The following CNTN4 variants were observed in gnomAD, a reference collection of about 807,000 sequenced individuals.
CNTN4 encodes contactin 4.
A neutral mutation model predicts 122.5 loss-of-function variants in CNTN4; 77 were observed. That is an observed-to-expected ratio of 0.63 (90% CI 0.52 to 0.76). The LOEUF is 0.76. Among genes scored for constraint, CNTN4 ranks in the 30% least tolerant of loss-of-function variants. CNTN4 has a pLI of 0.00. For missense variants in CNTN4, 1,256 were observed against 1,259.1 expected, an observed-to-expected ratio of 1.00 and a Z score of 0.04; for synonymous variants, 512 against 447.0, an observed-to-expected ratio of 1.15 and a Z score of -1.83.
At chr3:2,815,857 G>A (rs2092713259) in intron 6 of CNTN4, among the ~76,000 whole-genome samples, 1 of 131,764 alleles carries the variant, frequency 7.6e-6, no homozygotes, top group Admixed American at 7.5e-5. Context: ...TCAATAAGTG[G>A]CTAAAGAAAC....
chr3:2,873,735 G>A (rs372871826), intron 8 of CNTN4, among the ~76,000 whole-genome samples: 1 of 152,180 alleles, frequency 6.6e-6, no homozygotes, highest in East Asian at 1.9e-4. Context: ...AACCTAGTGG[G>A]TTTTTGAACC....
chr3:3,031,028 T>A, intron 16 of CNTN4, 53 bp downstream of exon 16: 1 of 1,610,998 alleles, frequency 6.2e-7, no homozygotes, highest in Non-Finnish European at 8.5e-7. Flanking sequence ...TGATATCTAC[T>A]GTAGCGCAGA....
At chr3:2,493,343 CCATTCCTCCGGA>C (rs1404292790) in intron 3 of CNTN4, among the ~76,000 whole-genome samples, 2 of 151,882 alleles carry the variant, frequency 1.3e-5, no homozygotes, top group African/African-American at 4.8e-5. Flanking sequence ...TCAGAAAATG[CCATTCCTCCGGA>C]CATAAGGTAG....
At chr3:2,500,178 G>A (rs1228857006) in intron 3 of CNTN4, among the ~76,000 whole-genome samples, 2 of 151,914 alleles carry the variant, frequency 1.3e-5, no homozygotes, top group East Asian at 1.9e-4. Context: ...ATATTAATTA[G>A]TATTTTTATC....
At chr3:2,236,763 A>G (rs1042135671) in intron 2 of CNTN4, among the ~76,000 whole-genome samples, 2 of 152,194 alleles carry the variant, frequency 1.3e-5, no homozygotes, top group African/African-American at 4.8e-5. Context: ...TCTGCACTAG[A>G]CATCAGGATG....
At chr3:2,335,853 G>A (rs146360340) in intron 2 of CNTN4, among the ~76,000 whole-genome samples, 6 of 152,096 alleles carry the variant, frequency 3.9e-5, no homozygotes, top group African/African-American at 9.7e-5. Context: ...CTGTGGAAGT[G>A]GAACTTATTT....
rs372594760 is a variant in CNTN4, at chr3:2,524,201, C to T, written c.-88-47215C>T. ...AACAATAATCTCTTTCTCTGTGCCT[C>T]GTCTGGATGTTTTATATAAATGGAA... is the stretch of plus-strand genomic sequence containing the variant. On this transcript the variant is annotated intron_variant, in intron 3 of 24. Coordinates refer to ENST00000418658, the MANE Select transcript of CNTN4 (RefSeq NM_175607.3). Among the ~76,000 whole-genome samples, 150 of 152,146 alleles carry T rather than the reference C, an allele frequency of 9.9e-4. 1 individual carries two copies. The highest frequency in any genetic ancestry group is 3.4e-3 in the Middle Eastern group (1 of 294).
chr3:2,542,966 G>A (rs995089763), intron 3 of CNTN4, among the ~76,000 whole-genome samples: 1 of 152,064 alleles, frequency 6.6e-6, no homozygotes, highest in African/African-American at 2.4e-5. Flanking sequence ...TATTGAACAT[G>A]CACTAATAGA....
intron 6 of CNTN4, among the ~76,000 whole-genome samples, chr3:2,790,154 A>G (rs549214331): frequency 6.6e-6 from 1 of 152,334 alleles, no homozygotes; most frequent in East Asian, 1.9e-4. Flanking sequence ...AGTAATTTAT[A>G]TGGAGTCACA....
chr3:2,759,073 C>A (rs558294459), intron 6 of CNTN4, among the ~76,000 whole-genome samples: 2 of 152,240 alleles, frequency 1.3e-5, no homozygotes, highest in South Asian at 2.1e-4. Flanking sequence ...TAAATGAAAT[C>A]GTAATATATG....
intron 3 of CNTN4, 98 bp from the exon 4 acceptor site, chr3:2,571,318 C>A: frequency 1.6e-6 from 1 of 631,048 alleles, no homozygotes; most frequent in South Asian, 1.9e-5. Flanking sequence ...TACTTTCCCA[C>A]AAGTGAGTTT....
intron 7 of CNTN4, among the ~76,000 whole-genome samples, chr3:2,836,367 G>C (rs2150435808): frequency 6.6e-6 from 1 of 152,240 alleles, no homozygotes; most frequent in South Asian, 2.1e-4. Context: ...GAATAATCCT[G>C]GCACTAGAAC....
At chr3:2,526,372 C>G (rs185701504) in intron 3 of CNTN4, among the ~76,000 whole-genome samples, 225 of 152,208 alleles carry the variant, frequency 1.5e-3, no homozygotes, top group African/African-American at 5.2e-3. Flanking sequence ...ACAAATTCTT[C>G]CCTATGACTA....
intron 2 of CNTN4, among the ~76,000 whole-genome samples, chr3:2,242,595 A>G (rs2039984969): frequency 2.0e-5 from 3 of 152,136 alleles, no homozygotes; most frequent in African/African-American, 7.2e-5. Flanking sequence ...CATAGTAAGC[A>G]CCATTTAAAC....
At chr3:2,864,880 T>C (rs75472875) in intron 7 of CNTN4, among the ~76,000 whole-genome samples, 2 of 15,230 alleles carry the variant, frequency 1.3e-4, no homozygotes, top group African/African-American at 6.5e-4. Context: ...AAAACTCTCT[T>C]ATAAATAATT....
At chr3:2,639,825 A>G (rs573572085) in intron 4 of CNTN4, among the ~76,000 whole-genome samples, 1 of 152,226 alleles carries the variant, frequency 6.6e-6, no homozygotes, top group African/African-American at 2.4e-5. Flanking sequence ...CCTTGTACAG[A>G]TAAAGCCAAA....
At chr3:2,477,413 T>C (rs903770358) in intron 3 of CNTN4, among the ~76,000 whole-genome samples, 5 of 152,238 alleles carry the variant, frequency 3.3e-5, no homozygotes, top group Admixed American at 3.3e-4. Context: ...ACATAAGCTC[T>C]GTGGTAAATG....
chr3:2,234,370 C>CAAAAA (rs72401999), intron 2 of CNTN4, among the ~76,000 whole-genome samples: 20,324 of 93,902 alleles, frequency 0.22, 2,257 homozygotes, highest in Non-Finnish European at 0.24. Context: ...AAGTCCATCT[C>CAAAAA]AAAAAAAAAA....
intron 4 of CNTN4, among the ~76,000 whole-genome samples, chr3:2,593,900 T>C (rs2080627414): frequency 1.3e-5 from 2 of 152,178 alleles, no homozygotes; most frequent in South Asian, 2.1e-4. Context: ...CAAGCAGTTA[T>C]ATTTATATAA....
Sources: allele counts gnomAD v4.1 joint callset (sites outside exome capture counted in the v4.1 genomes callset), GRCh38; gene constraint gnomAD v4.1.1; transcripts MANE v1.5; gene names NCBI Gene and HGNC (gene_info 2026-07-23, HGNC 2026-07-21).